RALYL: variants seen among roughly 807,000 people sequenced by gnomAD.
RALYL encodes the protein RNA-binding Raly-like protein.
A neutral mutation model predicts 35.1 loss-of-function variants in RALYL; 29 were observed. The observed-to-expected ratio is 0.83, with a 90% CI of 0.61 to 1.13. The LOEUF (loss-of-function observed/expected upper bound fraction) is 1.13. Ranked by LOEUF, RALYL falls within the 50% of genes most tolerant of loss-of-function variation. The pLI is 0.00. For missense variants in RALYL, 359 were observed against 360.4 expected, an observed-to-expected ratio of 1.00 and a Z score of 0.03; for synonymous variants, 120 against 127.6, an observed-to-expected ratio of 0.94 and a Z score of 0.40.
chr8:84,837,989 A>G lies in RALYL; in HGVS notation c.366-11991A>G, dbSNP rs147828838. Among the ~76,000 whole-genome samples, 76 of 152,244 alleles carry G rather than the reference A, an allele frequency of 5.0e-4. No homozygotes were observed. In the East Asian group the frequency reaches 0.014, roughly 28 times the overall value. ...TTTATTATCATTTTTGTTTTGAGTT[A>G]CCTAAGAACCAAATAGTCATACTAA... On this transcript the variant is annotated intron_variant, in intron 4 of 8. Coordinates refer to ENST00000521268, the MANE Select transcript of RALYL (RefSeq NM_173848.7).
intron 5 of RALYL, among the ~76,000 whole-genome samples, chr8:84,850,778 G>C (rs1228847361): frequency 6.6e-6 from 1 of 152,150 alleles, no homozygotes; most frequent in African/African-American, 2.4e-5. Context: ...TCCCTTGTTG[G>C]ATACTCCTCT....
At chr8:84,661,966 C>T (rs1197742629) in intron 2 of RALYL, among the ~76,000 whole-genome samples, 5 of 151,298 alleles carry the variant, frequency 3.3e-5, no homozygotes, top group East Asian at 1.9e-4. Flanking sequence ...CCTTGTGGTC[C>T]CATACTTCTT....
intron 1 of RALYL, among the ~76,000 whole-genome samples, chr8:84,212,292 A>G (rs1277379614): frequency 2.0e-5 from 3 of 152,160 alleles, no homozygotes; most frequent in Non-Finnish European, 2.9e-5. Context: ...TTAACATAAA[A>G]GTGGTATTCT....
chr8:84,345,099 CTT>C (rs762172839), intron 1 of RALYL, among the ~76,000 whole-genome samples: 7 of 136,120 alleles, frequency 5.1e-5, no homozygotes, highest in Admixed American at 7.4e-5. Flanking sequence ...CTTTCTTTCT[CTT>C]TTTTTTTTTT....
intron 1 of RALYL, among the ~76,000 whole-genome samples, chr8:84,259,909 T>C (rs1831929653): frequency 6.6e-6 from 1 of 152,208 alleles, no homozygotes; most frequent in Non-Finnish European, 1.5e-5. Context: ...GAGACCAGGC[T>C]GTTGCAATTT....
At chr8:84,576,218 T>G (rs1809390385) in intron 2 of RALYL, among the ~76,000 whole-genome samples, 1 of 152,212 alleles carries the variant, frequency 6.6e-6, no homozygotes. Flanking sequence ...AATATTCATT[T>G]CATATACTGT....
At chr8:84,393,491 T>G (rs1321340043) in intron 1 of RALYL, among the ~76,000 whole-genome samples, 3 of 152,180 alleles carry the variant, frequency 2.0e-5, no homozygotes, top group Middle Eastern at 3.4e-3. Context: ...AATGACGCTA[T>G]GTACTGTTGC....
rs374788564 is a variant in RALYL at position 84,766,795 on chromosome 8, G to A, written c.257-7784G>A. ...AAACACCATTTTATAAAATGTGTTGGCAACATGTGTTTGGTTAGACTTACT... is the reference window on the plus strand; with the variant it reads ...AAACACCATTTTATAAAATGTGTTGACAACATGTGTTTGGTTAGACTTACT... On this transcript the variant is annotated intron_variant, in intron 2 of 8. Coordinates refer to ENST00000521268, the MANE Select transcript of RALYL (RefSeq NM_173848.7). Among the ~76,000 whole-genome samples, 9 of 150,102 alleles carry A rather than the reference G, an allele frequency of 6.0e-5. No individual in the cohort carries two copies. The East Asian group carries it at 1.8e-3, about 29-fold the overall frequency.
In RALYL at chr8:84,497,214, C is replaced by A. The variant is rs188117364; in HGVS notation, c.-23-32085C>A. 4.1e-3 allele frequency among the ~76,000 whole-genome samples: 630 copies of A among 152,228 alleles called. 1 individual carries two copies. Among genetic ancestry groups the A allele is most frequent in the Non-Finnish European group, 6.3e-3 (429 of 68,022 alleles). ...CAGAAACATGTCTCTGATGGCTACT[C>A]TCAAGCATGTAGAGGGAGGCAAAAC... On this transcript the variant is annotated intron_variant, in intron 1 of 8. Transcript: ENST00000521268.
chr8:84,605,118 C>T (rs1458948367), intron 2 of RALYL, among the ~76,000 whole-genome samples: 1 of 152,038 alleles, frequency 6.6e-6, no homozygotes, highest in Non-Finnish European at 1.5e-5. Flanking sequence ...AACTTTTCAG[C>T]CAGAGCTCAC....
At chr8:84,846,701 G>T (rs1226493788) in intron 4 of RALYL, among the ~76,000 whole-genome samples, 1 of 152,098 alleles carries the variant, frequency 6.6e-6, no homozygotes, top group Non-Finnish European at 1.5e-5. Context: ...ACTTGTTACT[G>T]GTCTGTTCAG....
intron 1 of RALYL, among the ~76,000 whole-genome samples, chr8:84,324,944 A>T (rs953609852): frequency 2.6e-5 from 4 of 152,062 alleles, no homozygotes; most frequent in Non-Finnish European, 4.4e-5. Context: ...TACCTCCCAC[A>T]CTGTCACTTC....
At chr8:84,229,237 C>T (rs992660512) in intron 1 of RALYL, among the ~76,000 whole-genome samples, 2 of 152,106 alleles carry the variant, frequency 1.3e-5, no homozygotes, top group African/African-American at 4.8e-5. Flanking sequence ...TAGTCTCTTT[C>T]TTAAAGGGAA....
chr8:84,293,425 C>T (rs1839151167), intron 1 of RALYL, among the ~76,000 whole-genome samples: 1 of 152,024 alleles, frequency 6.6e-6, no homozygotes, highest in South Asian at 2.1e-4. Context: ...TATAGAAAAG[C>T]CAGCATTTCC....
At chr8:84,285,976 G>T (rs530546593) in intron 1 of RALYL, among the ~76,000 whole-genome samples, 7 of 152,244 alleles carry the variant, frequency 4.6e-5, no homozygotes, top group African/African-American at 1.2e-4. Flanking sequence ...GGCTATTATA[G>T]TAAGAAACGT....
intron 1 of RALYL, among the ~76,000 whole-genome samples, chr8:84,462,210 G>A (rs1271121348): frequency 6.6e-6 from 1 of 150,938 alleles, no homozygotes; most frequent in Non-Finnish European, 1.5e-5. Flanking sequence ...AATGATGTAT[G>A]TTCATTGCTT....
At chr8:84,461,871 T>C (rs2050829421) in intron 1 of RALYL, among the ~76,000 whole-genome samples, 4 of 151,654 alleles carry the variant, frequency 2.6e-5, no homozygotes. Flanking sequence ...GAGTGGTACA[T>C]TTGTTGCAAT....
At chr8:84,666,667 A>G (rs1832116848) in intron 2 of RALYL, among the ~76,000 whole-genome samples, 1 of 152,098 alleles carries the variant, frequency 6.6e-6, no homozygotes, top group Non-Finnish European at 1.5e-5. Flanking sequence ...ATGTGTAACA[A>G]ATACTGAAAA....
chr8:84,183,105 C>CA (rs946107393), upstream of RALYL: 2 of 158,226 alleles, frequency 1.3e-5, no homozygotes, highest in Non-Finnish European at 2.8e-5. Flanking sequence ...GCGGCGGCAG[C>CA]AACAGAGGCA....
Sources: allele counts gnomAD v4.1 joint callset (sites outside exome capture counted in the v4.1 genomes callset), GRCh38; gene constraint gnomAD v4.1.1; transcripts MANE v1.5; gene names NCBI Gene and HGNC (gene_info 2026-07-23, HGNC 2026-07-21).